FGFR2: variants seen among roughly 807,000 people sequenced by gnomAD.
FGFR2 encodes the protein BEK fibroblast growth factor receptor.
FGFR2 carries 19 observed loss-of-function variants against 95.9 expected under a neutral mutation model. The ratio of observed to expected loss-of-function variants is 0.20; its 90% CI spans 0.14 to 0.29. FGFR2 has a LOEUF of 0.29. Ranked by LOEUF, FGFR2 falls within the 10% of genes least tolerant of loss-of-function variation. FGFR2 has a pLI of 1.00. For synonymous variants in FGFR2, 392 were observed against 393.3 expected (o/e 1.00, Z 0.04); for missense variants, 707 against 1,056.9 (o/e 0.67, Z 4.59).
At position 121,531,330 on chromosome 10, in the gene FGFR2, C is replaced by T. The variant is rs896759477; in HGVS notation, c.748+7262G>A. On this transcript the variant is annotated intron_variant, in intron 6 of 17. Coordinates refer to ENST00000358487, the MANE Select transcript of FGFR2 (RefSeq NM_000141.5). This position sits in a 1 kb window ranked among gnomAD's most constrained non-coding sequence, Gnocchi z 4.5. ...GAGAGTCTGTATTTGCCAGTCAGTA[C>T]GTTTGGAGTGATCTAGCTGCCACTA... 2.6e-5 allele frequency: 4 copies of T among 152,268 alleles called. No individual in the cohort carries two copies. The highest frequency in any genetic ancestry group is 1.9e-4 in the East Asian group (1 of 5,160). 9.4% of individuals were successfully genotyped at this position (152,268 alleles called of 1,614,324 possible).
rs778789088 is a variant in FGFR2, at chr10:121,500,842, G to A, written c.1545C>T (p.Ala515=). ...CCCGCTCACCTTTCAACATCTTCAC[G>A]GCCACGGTGACCGCCTCCTTGGGCT... ...KDKPKEAVTV[A]VKMLKDDATE... is the part of the protein sequence containing the mutation. Residue 515 remains alanine, a synonymous_variant, in exon 11 of 18, where the codon GCC becomes GCT. Coordinates refer to ENST00000358487, the MANE Select transcript of FGFR2 (RefSeq NM_000141.5). 1.3e-5 allele frequency: 21 copies of A among 1,613,742 alleles called. No homozygotes were observed. Among genetic ancestry groups the A allele is most frequent in the Admixed American group, 5.0e-5 (3 of 59,968 alleles).
chr10:121,594,607 T>C (rs953144287), intron 1 of FGFR2, among the ~76,000 whole-genome samples: 2 of 152,166 alleles, frequency 1.3e-5, no homozygotes, highest in Non-Finnish European at 2.9e-5. Flanking sequence ...CTTTCAGTCT[T>C]CCGCCAAGCA....
intron 2 of FGFR2, among the ~76,000 whole-genome samples, chr10:121,574,972 C>T (rs1564720751): frequency 6.6e-6 from 1 of 152,190 alleles, no homozygotes; most frequent in Non-Finnish European, 1.5e-5. Flanking sequence ...GGACTGAAAC[C>T]TCCCTGGTCG....
intron 6 of FGFR2, chr10:121,526,272 G>A (rs1851353634): frequency 2.5e-6 from 1 of 398,436 alleles, no homozygotes; most frequent in African/African-American, 2.1e-5. Flanking sequence ...AGCCTGCCTA[G>A]CTTTTTTCTA....
At chr10:121,559,930 G>A (rs185999129) in intron 4 of FGFR2, among the ~76,000 whole-genome samples, 6 of 152,276 alleles carry the variant, frequency 3.9e-5, no homozygotes, top group Admixed American at 1.3e-4. Context: ...ATGGTTTCAC[G>A]GTAACCTGCT....
At chr10:121,536,419 G>A (rs1278448068) in intron 6 of FGFR2, among the ~76,000 whole-genome samples, 6 of 152,132 alleles carry the variant, frequency 3.9e-5, no homozygotes, top group Admixed American at 1.3e-4. Flanking sequence ...TTATTGGCCC[G>A]TGTTTAGCTG....
At chr10:121,587,834 C>T (rs538957049) in intron 2 of FGFR2, among the ~76,000 whole-genome samples, 210 of 152,268 alleles carry the variant, frequency 1.4e-3, no homozygotes, top group African/African-American at 4.7e-3. Context: ...AGCCGTGTGG[C>T]GATTACTCAA....
chr10:121,549,428 G>A lies in FGFR2; in HGVS notation c.624+1862C>T, dbSNP rs149296688. Among the ~76,000 whole-genome samples the A allele has an allele frequency of 2.0e-5, 3 of 152,312 alleles. No individual in the cohort carries two copies. The East Asian group carries it at 5.8e-4, about 29-fold the overall frequency. ...CCTACCTGGCTGTAAAGGACCTGAGGTCTGAGCTAAAGAGCGTCTTCTATT... is the reference window on the plus strand; with the variant it reads ...CCTACCTGGCTGTAAAGGACCTGAGATCTGAGCTAAAGAGCGTCTTCTATT... On this transcript the variant is annotated intron_variant, in intron 5 of 17. Coordinates refer to ENST00000358487, the MANE Select transcript of FGFR2 (RefSeq NM_000141.5).
At chr10:121,490,010 C>G (rs1209862522) in intron 13 of FGFR2, among the ~76,000 whole-genome samples, 1 of 152,224 alleles carries the variant, frequency 6.6e-6, no homozygotes, top group Non-Finnish European at 1.5e-5. Flanking sequence ...CCAGTTTCTC[C>G]TAACACCTGG....
At chr10:121,551,233 A>T in intron 5 of FGFR2, 57 bp downstream of exon 5, 7 of 1,596,530 alleles carry the variant, frequency 4.4e-6, no homozygotes, top group Non-Finnish European at 6.0e-6. Flanking sequence ...AAAAAAATGT[A>T]AATAAATAAA....
In FGFR2 at chr10:121,565,507, C is replaced by T; in HGVS notation, c.307G>A (p.Gly103Ser). Residue 103 changes from glycine to serine, a missense_variant, in exon 3 of 18, where the codon GGC becomes AGC. Physicochemically the swap from Gly to Ser is moderately conservative, Grantham distance 56 (BLOSUM62 0). Transcript: ENST00000358487. ...CTACTGGCAGTACAAGCATAGAGGC[C>T]GGAGTCTCTAGGCGTGGCGCCCTTT... The part of the protein sequence containing the change: ...QIKGATPRDS[G>S]LYACTASRTV... 1 of 1,614,184 alleles carries T rather than the reference C, an allele frequency of 6.2e-7. No individual in the cohort carries two copies. The highest frequency in any genetic ancestry group is 8.5e-7 in the Non-Finnish European group (1 of 1,180,042).
intron 9 of FGFR2, among the ~76,000 whole-genome samples, chr10:121,509,131 T>A (rs1458413871): frequency 6.6e-6 from 1 of 152,244 alleles, no homozygotes; most frequent in Non-Finnish European, 1.5e-5. Context: ...ATTCTTCAAT[T>A]CCTACCTAGA....
intron 4 of FGFR2, among the ~76,000 whole-genome samples, chr10:121,560,012 A>G (rs1435212537): frequency 1.3e-5 from 2 of 152,128 alleles, no homozygotes; most frequent in East Asian, 1.9e-4. Flanking sequence ...ACAGAATCTG[A>G]TGTCTCAATC....
chr10:121,591,469 G>A (rs1436214517), intron 2 of FGFR2, among the ~76,000 whole-genome samples: 2 of 152,206 alleles, frequency 1.3e-5, no homozygotes, highest in African/African-American at 4.8e-5. Context: ...AGGTCAAATG[G>A]AAATCTCCTA....
intron 4 of FGFR2, among the ~76,000 whole-genome samples, chr10:121,559,314 G>T (rs1279983424): frequency 6.6e-6 from 1 of 152,160 alleles, no homozygotes; most frequent in Non-Finnish European, 1.5e-5. Context: ...AAAGAATTTG[G>T]TGCTTCTGCA....
At chr10:121,573,735 G>C (rs1202496605) in intron 2 of FGFR2, among the ~76,000 whole-genome samples, 1 of 152,148 alleles carries the variant, frequency 6.6e-6, no homozygotes, top group Admixed American at 6.5e-5. Flanking sequence ...TCCTGTCAGG[G>C]TTGTGGGTTG....
intron 5 of FGFR2, among the ~76,000 whole-genome samples, chr10:121,547,492 T>C (rs1453190132): frequency 1.3e-5 from 2 of 150,848 alleles, no homozygotes; most frequent in Non-Finnish European, 2.9e-5. Flanking sequence ...ACTCCTGGGC[T>C]CAAGCGATCC....
In FGFR2 at chr10:121,598,312, G is replaced by A. The variant is rs980122084; in HGVS notation, c.-501C>T. The A allele has an allele frequency of 3.4e-5, 12 of 348,326 alleles. No homozygotes were observed. The highest frequency in any genetic ancestry group is 5.2e-5 in the Non-Finnish European group (10 of 193,770). 21.6% of individuals were successfully genotyped at this position (348,326 alleles called of 1,614,324 possible). A position where few individuals can be genotyped will look rare whatever the true frequency, so the allele number is the denominator to read the frequency against. ...GCTCGCGGCCGGCCCCCGCCAGCCCGGAGAGCAGTCGCCGCGCCGGGCCAG... is the reference window on the plus strand; with the variant it reads ...GCTCGCGGCCGGCCCCCGCCAGCCCAGAGAGCAGTCGCCGCGCCGGGCCAG... On this transcript the variant is annotated 5_prime_UTR_variant, in exon 1 of 18. Transcript: ENST00000358487.
chr10:121,564,793 T>C (rs1287570888), intron 3 of FGFR2, among the ~76,000 whole-genome samples: 2 of 152,166 alleles, frequency 1.3e-5, no homozygotes, highest in African/African-American at 4.8e-5. Flanking sequence ...TGTTTTCTGC[T>C]TTCACGCTAT....
Sources: allele counts gnomAD v4.1 joint callset (sites outside exome capture counted in the v4.1 genomes callset), GRCh38; gene constraint gnomAD v4.1.1; non-coding constraint Gnocchi (gnomAD v3.1); transcripts MANE v1.5; gene names NCBI Gene and HGNC (gene_info 2026-07-23, HGNC 2026-07-21).